The following FSTL4 variants were observed in gnomAD, a reference collection of about 807,000 sequenced individuals.
FSTL4 encodes follistatin-related protein 4.
Under a neutral mutation model 78.2 loss-of-function variants are expected in FSTL4, and 28 were observed. The ratio of observed to expected loss-of-function variants is 0.36; its 90% CI spans 0.27 to 0.49. The LOEUF (loss-of-function observed/expected upper bound fraction) is 0.49, where lower values mean the gene tolerates loss of function less well. Ranked by LOEUF, FSTL4 falls within the 20% of genes least tolerant of loss-of-function variation. FSTL4 has a pLI of 0.98. For synonymous variants in FSTL4, 422 were observed against 440.5 expected, an observed-to-expected ratio of 0.96 and a Z score of 0.53; for missense variants, 922 against 1,084.9, an observed-to-expected ratio of 0.85 and a Z score of 2.11.
intron 4 of FSTL4, among the ~76,000 whole-genome samples, chr5:133,342,124 A>T (rs907331304): frequency 6.6e-6 from 1 of 152,174 alleles, no homozygotes; most frequent in African/African-American, 2.4e-5. Flanking sequence ...AGCTGGAAGG[A>T]GAGCCTTCCT....
intron 3 of FSTL4, among the ~76,000 whole-genome samples, chr5:133,563,322 T>C (rs1404622439): frequency 1.3e-5 from 2 of 152,158 alleles, no homozygotes; most frequent in Non-Finnish European, 1.5e-5. Flanking sequence ...GCAGCCAACA[T>C]AAGGTACAAA....
the FSTL4 span, among the ~76,000 whole-genome samples, chr5:133,764,629 C>T: frequency 8.5e-5 from 13 of 152,346 alleles, no homozygotes; most frequent in African/African-American, 2.9e-4. Context: ...CTGAAGCCCA[C>T]AGGTGGACTC....
At chr5:133,392,484 G>A (rs1755873899) in intron 4 of FSTL4, among the ~76,000 whole-genome samples, 1 of 152,182 alleles carries the variant, frequency 6.6e-6, no homozygotes, top group African/African-American at 2.4e-5. Context: ...CCTGGAAAGT[G>A]CCTTCTTGGC....
the FSTL4 span, among the ~76,000 whole-genome samples, chr5:133,626,825 G>A: frequency 6.6e-6 from 1 of 152,098 alleles, no homozygotes; most frequent in Non-Finnish European, 1.5e-5. Context: ...TTTGTTACAT[G>A]TTCTGTGCAC....
the FSTL4 span, among the ~76,000 whole-genome samples, chr5:133,633,237 C>T: frequency 6.6e-6 from 1 of 151,694 alleles, no homozygotes; most frequent in Non-Finnish European, 1.5e-5. Flanking sequence ...TTCAGCCCTG[C>T]CCTCTTTCTC....
At chr5:133,240,928 G>T (rs1390392148) in intron 7 of FSTL4, among the ~76,000 whole-genome samples, 4 of 152,166 alleles carry the variant, frequency 2.6e-5, no homozygotes, top group African/African-American at 9.7e-5. Context: ...TGCCTCATAG[G>T]GGTCTCTTTA....
chr5:133,608,433 T>C (rs1761019886), intron 1 of FSTL4, among the ~76,000 whole-genome samples: 1 of 152,210 alleles, frequency 6.6e-6, no homozygotes, highest in Admixed American at 6.5e-5. Context: ...GCCGCATAGA[T>C]AGGACACCAG....
chr5:133,821,203 A>G, the FSTL4 span, among the ~76,000 whole-genome samples: 1 of 152,272 alleles, frequency 6.6e-6, no homozygotes, highest in African/African-American at 2.4e-5. Context: ...TCTTCTGATT[A>G]GTCACAGAAT....
intron 6 of FSTL4, among the ~76,000 whole-genome samples, chr5:133,278,804 T>C (rs553237325): frequency 2.0e-5 from 3 of 152,314 alleles, no homozygotes; most frequent in East Asian, 1.9e-4. Flanking sequence ...CATTTCTTGC[T>C]CCAGACCAAG....
chr5:133,339,795 G>C (rs1338835116), intron 4 of FSTL4, among the ~76,000 whole-genome samples: 1 of 152,210 alleles, frequency 6.6e-6, no homozygotes, highest in Non-Finnish European at 1.5e-5. Flanking sequence ...CCTTTGCCTA[G>C]GTGAGAGCAG....
At position 133,358,047 on chromosome 5, in the gene FSTL4, C is replaced by A. The variant is rs12513615; in HGVS notation, c.410-41395G>T. Among the ~76,000 whole-genome samples, 1,319 of 152,288 alleles carry A rather than the reference C, an allele frequency of 8.7e-3. 41 individuals carry two copies. The East Asian group carries it at 0.095, about 11-fold the overall frequency. On this transcript the variant is annotated intron_variant, in intron 4 of 15. Coordinates refer to ENST00000265342, the MANE Select transcript of FSTL4 (RefSeq NM_015082.2). ...GGCAAAGTGTGCAGTGGACCCAGGG[C>A]CACCTGCTATCTGCTCAGCTTGTCC...
chr5:133,781,368 TGTGTG>T, the FSTL4 span, among the ~76,000 whole-genome samples: 2 of 640 alleles, frequency 3.1e-3, no homozygotes, highest in Admixed American at 0.025. Context: ...TAAGCGGTTG[TGTGTG>T]TGTGTGTGTG....
intron 4 of FSTL4, among the ~76,000 whole-genome samples, chr5:133,333,310 G>A (rs1250318171): frequency 3.3e-5 from 5 of 152,338 alleles, no homozygotes; most frequent in South Asian, 2.1e-4. Flanking sequence ...CTGGGGCCCC[G>A]GGCAATGGCG....
chr5:133,484,484 T>C (rs1031907162), intron 3 of FSTL4, among the ~76,000 whole-genome samples: 7 of 152,230 alleles, frequency 4.6e-5, no homozygotes, highest in East Asian at 1.9e-4. Context: ...AAAAGCTTTA[T>C]TCTCTTACAT....
intron 2 of FSTL4, among the ~76,000 whole-genome samples, chr5:133,571,025 G>A (rs1760142914): frequency 1.3e-5 from 2 of 151,858 alleles, no homozygotes; most frequent in Admixed American, 6.5e-5. Context: ...GCTTCCCCTT[G>A]AGTTATATGA....
chr5:133,834,916 G>A, the FSTL4 span, among the ~76,000 whole-genome samples: 2 of 151,924 alleles, frequency 1.3e-5, no homozygotes, highest in Non-Finnish European at 2.9e-5. Flanking sequence ...GATTTGTGGG[G>A]TAGGGTTATG....
intron 1 of FSTL4, among the ~76,000 whole-genome samples, chr5:133,604,534 C>G (rs960800121): frequency 1.3e-5 from 2 of 152,076 alleles, no homozygotes; most frequent in African/African-American, 4.8e-5. Flanking sequence ...CATGGTGAAA[C>G]CCGGTCTCTA....
chr5:133,212,323 T>G (rs1750758223), intron 13 of FSTL4, among the ~76,000 whole-genome samples: 1 of 152,232 alleles, frequency 6.6e-6, no homozygotes. Context: ...TCCAGAGAAC[T>G]TAAGCCAAAA....
chr5:133,747,401 C>T, the FSTL4 span, among the ~76,000 whole-genome samples: 1 of 152,084 alleles, frequency 6.6e-6, no homozygotes, highest in Non-Finnish European at 1.5e-5. Flanking sequence ...ATTTAGTGAC[C>T]CTTTATTGAA....
Sources: allele counts gnomAD v4.1 joint callset (sites outside exome capture counted in the v4.1 genomes callset), GRCh38; gene constraint gnomAD v4.1.1; transcripts MANE v1.5; gene names NCBI Gene and HGNC (gene_info 2026-07-23, HGNC 2026-07-21).